Variants in TMLHE observed in about 807,000 individuals in gnomAD.
The protein encoded by TMLHE is trimethyllysine dioxygenase, mitochondrial.
A neutral mutation model predicts 25.7 loss-of-function variants in TMLHE; 18 were observed. That is an observed-to-expected ratio of 0.70 (90% confidence interval 0.48 to 1.04). The LOEUF (loss-of-function observed/expected upper bound fraction) is 1.04. Ranked by LOEUF, TMLHE falls within the 50% of genes least tolerant of loss-of-function variation. The probability of loss-of-function intolerance (pLI) is 0.00; values close to 1 mark genes in which losing one functional copy is unlikely to be tolerated. For synonymous variants in TMLHE, 105 were observed against 97.0 expected (o/e 1.08, Z -0.49); for missense variants, 236 against 259.0 (o/e 0.91, Z 0.61).
intron 2 of TMLHE, among the ~76,000 whole-genome samples, chrX:155,531,464 T>C (rs1156713298): frequency 9.0e-6 from 1 of 110,609 alleles, no homozygotes; most frequent in Non-Finnish European, 1.9e-5. Context: ...CTGGATCTTG[T>C]CTGAATTCAT....
intron 1 of TMLHE, among the ~76,000 whole-genome samples, chrX:155,549,875 A>AT (rs1557339789): frequency 1.0e-4 from 11 of 109,094 alleles, no homozygotes; most frequent in African/African-American, 3.4e-4. Flanking sequence ...TCCCTCCCCT[A>AT]GCCCCCACTC....
chrX:155,548,221 C>G (rs1355450275), intron 1 of TMLHE, among the ~76,000 whole-genome samples: 2 of 111,759 alleles, frequency 1.8e-5, no homozygotes, highest in African/African-American at 3.3e-5. Context: ...AAAGCACAGG[C>G]AAGCTAAGCA....
intron 3 of TMLHE, among the ~76,000 whole-genome samples, chrX:155,523,923 A>T (rs1557336098): frequency 1.8e-5 from 2 of 111,959 alleles, no homozygotes; most frequent in Non-Finnish European, 3.8e-5. Context: ...TATTTTTGAA[A>T]TGGTCATTTT....
chrX:155,541,086 G>A (rs1234761303), intron 2 of TMLHE, among the ~76,000 whole-genome samples: 3 of 110,143 alleles, frequency 2.7e-5, no homozygotes, highest in Non-Finnish European at 3.8e-5. Context: ...TGGGGTACAT[G>A]TGCAGAACAT....
intron 1 of TMLHE, among the ~76,000 whole-genome samples, chrX:155,574,155 G>A (rs1187841518): frequency 1.8e-5 from 2 of 108,225 alleles, no homozygotes; most frequent in Non-Finnish European, 3.8e-5. Flanking sequence ...CCACAGGCCA[G>A]AAGGCCTGCC....
At chrX:155,555,332 A>C (rs1198838008) in intron 1 of TMLHE, among the ~76,000 whole-genome samples, 1 of 110,735 alleles carries the variant, frequency 9.0e-6, no homozygotes, top group Non-Finnish European at 1.9e-5. Context: ...GTGCTGCAAT[A>C]AACATATGTG....
intron 2 of TMLHE, among the ~76,000 whole-genome samples, chrX:155,536,189 T>C (rs1191659148): frequency 2.7e-5 from 3 of 111,372 alleles, no homozygotes; most frequent in Non-Finnish European, 5.6e-5. Flanking sequence ...CACAAGACTG[T>C]GAGTATCTTG....
At chrX:155,557,664 C>G (rs1217822699) in intron 1 of TMLHE, among the ~76,000 whole-genome samples, 1 of 110,987 alleles carries the variant, frequency 9.0e-6, no homozygotes, top group Non-Finnish European at 1.9e-5. Flanking sequence ...CAAAAATATT[C>G]CTATCCTCAT....
In TMLHE at chrX:155,532,066, AAAATACACAAAACAAAC is replaced by A. The variant is rs1431860612; in HGVS notation, c.182-7451_182-7435del. Among the ~76,000 whole-genome samples, 207 of 112,332 alleles carry A rather than the reference AAAATACACAAAACAAAC, an allele frequency of 1.8e-3. 1 individual carries two copies. The highest frequency in any genetic ancestry group is 6.4e-3 in the African/African-American group (197 of 30,951). On this transcript the variant is annotated intron_variant, in intron 2 of 7. Coordinates refer to ENST00000334398, the MANE Select transcript of TMLHE (RefSeq NM_018196.4). ...CCACAGAATTACCCCAGACAACAAA[AAAATACACAAAACAAAC>A]AAATACACAAAATACAAACAAATAC... is the stretch of plus-strand genomic sequence containing the variant.
chrX:155,509,931 C>G (rs1455274945), intron 5 of TMLHE, among the ~76,000 whole-genome samples: 1 of 111,687 alleles, frequency 9.0e-6, no homozygotes, highest in Non-Finnish European at 1.9e-5. Context: ...TATGTATCAT[C>G]TTTGGTTCAA....
intron 1 of TMLHE, among the ~76,000 whole-genome samples, chrX:155,589,706 G>T (rs2067684607): frequency 9.0e-6 from 1 of 111,126 alleles, no homozygotes. Context: ...GAATAAATAA[G>T]TTCCAATAAT....
chrX:155,520,239 T>C (rs1464936684), intron 3 of TMLHE, among the ~76,000 whole-genome samples: 1 of 6,943 alleles, frequency 1.4e-4, no homozygotes, highest in Non-Finnish European at 3.7e-4. Flanking sequence ...TCTCTCAGCA[T>C]TTGCTTGTCT....
Position 155,549,250 on chromosome X carries a change from T to G in TMLHE, c.-1-3973A>C, listed in dbSNP as rs1047743783. On this transcript the variant is annotated intron_variant, in intron 1 of 7. Transcript: ENST00000334398. Reference sequence around the variant, plus strand: ...TGTTTGTTTTTTTGCTGCATTGTGCTCACTAGTTAGGAGGAGTAAGCATGG... The same window carrying G: ...TGTTTGTTTTTTTGCTGCATTGTGCGCACTAGTTAGGAGGAGTAAGCATGG... 3.7e-4 allele frequency among the ~76,000 whole-genome samples: 41 copies of G among 111,049 alleles called. 2 individuals carry two copies. Among genetic ancestry groups the G allele is most frequent in the African/African-American group, 1.3e-3 (39 of 30,084 alleles).
chrX:155,580,660 C>T (rs782248759), intron 1 of TMLHE, among the ~76,000 whole-genome samples: 14 of 111,724 alleles, frequency 1.3e-4, no homozygotes, highest in East Asian at 5.6e-4. Flanking sequence ...GGCCTCACAA[C>T]GATAGCAGAA....
intron 4 of TMLHE, among the ~76,000 whole-genome samples, chrX:155,513,044 A>AG (rs1466507619): frequency 3.6e-5 from 4 of 111,420 alleles, no homozygotes; most frequent in African/African-American, 1.3e-4. Context: ...ATCACTTACC[A>AG]GCACAGTTTC....
At chrX:155,525,686 C>A (rs12850276) in intron 2 of TMLHE, among the ~76,000 whole-genome samples, 7,003 of 111,764 alleles carry the variant, frequency 0.063, 294 homozygotes, top group Non-Finnish European at 0.099. Context: ...GATAGCGATG[C>A]AAACTGTGAA....
intron 2 of TMLHE, among the ~76,000 whole-genome samples, chrX:155,529,865 TATTTA>T (rs782689263): frequency 8.9e-6 from 1 of 112,343 alleles, no homozygotes; most frequent in South Asian, 3.7e-4. Flanking sequence ...TTGTCTCATT[TATTTA>T]TTTTGGTTTT....
chrX:155,535,671 T>C (rs1557337535), intron 2 of TMLHE, among the ~76,000 whole-genome samples: 1 of 112,020 alleles, frequency 8.9e-6, no homozygotes, highest in African/African-American at 3.2e-5. Context: ...CTCCTTCACT[T>C]CTAGTGAGTT....
At chrX:155,504,605 C>T (rs2067066029) in intron 6 of TMLHE, among the ~76,000 whole-genome samples, 1 of 111,200 alleles carries the variant, frequency 9.0e-6, no homozygotes, top group Non-Finnish European at 1.9e-5. Context: ...GGTACAAGTA[C>T]TTTGGTAAAA....
Sources: gnomAD v4.1 joint callset for allele counts (sites outside exome capture counted in the v4.1 genomes callset) on GRCh38, gnomAD v4.1.1 for gene constraint, MANE v1.5 for transcripts, NCBI Gene and HGNC (gene_info 2026-07-23, HGNC 2026-07-21) for gene names.